The following MYL4 variants were observed in gnomAD, a reference collection of about 807,000 sequenced individuals.
The protein encoded by MYL4 is atrial myosin light chain 1.
A neutral mutation model predicts 21.6 loss-of-function variants in MYL4; 16 were observed. That is an observed-to-expected ratio of 0.74 (90% CI 0.50 to 1.12). The LOEUF is 1.12. Among genes scored for constraint, MYL4 ranks in the 50% most tolerant of loss-of-function variants. The probability of loss-of-function intolerance (pLI) is 0.00; values close to 1 mark genes in which losing one functional copy is unlikely to be tolerated. For synonymous variants in MYL4, 82 were observed against 95.7 expected (o/e 0.86, Z 0.83); for missense variants, 249 against 252.9 (o/e 0.98, Z 0.11).
At chr17:47,211,185 T>C (rs2064772163) in intron 1 of MYL4, among the ~76,000 whole-genome samples, 1 of 152,190 alleles carries the variant, frequency 6.6e-6, no homozygotes, top group South Asian at 2.1e-4. Context: ...GTATCTTTTA[T>C]GAGAGACATT....
At chr17:47,198,660 C>A (rs1484136192), upstream of MYL4, among the ~76,000 whole-genome samples, 1 of 152,052 alleles carries the variant, frequency 6.6e-6, no homozygotes, top group Non-Finnish European at 1.5e-5. Context: ...GTTGGGAGAG[C>A]CTCAGATGAG....
In MYL4 at chr17:47,219,981, G is replaced by A. The variant is rs1453313902; in HGVS notation, c.241G>A (p.Val81Ile). The A allele has an allele frequency of 1.2e-6, 2 of 1,614,124 alleles. No individual in the cohort carries two copies. Among genetic ancestry groups the A allele is most frequent in the African/African-American group, 1.3e-5 (1 of 74,948 alleles). ...MKITYGQCGDVLRALGQNPTN... is the reference protein window; with the variant it reads ...MKITYGQCGDILRALGQNPTN... ...GATCACCTACGGCCAGTGCGGGGAT[G>A]TACTGCGGGCCCTGGGCCAGAACCC... The change falls in exon 3 of 7, where the codon GTA becomes ATA. Residue 81 changes from valine to isoleucine, a missense_variant. Coordinates refer to ENST00000393450, the MANE Select transcript of MYL4 (RefSeq NM_002476.2).
upstream of MYL4, among the ~76,000 whole-genome samples, chr17:47,208,670 T>C (rs1567744396): frequency 6.6e-6 from 1 of 152,180 alleles, no homozygotes; most frequent in Non-Finnish European, 1.5e-5. Context: ...TTCTACCACA[T>C]CTCTCTGCTT....
chr17:47,195,355 A>G, the MYL4 span, among the ~76,000 whole-genome samples: 33 of 151,326 alleles, frequency 2.2e-4, no homozygotes, highest in African/African-American at 7.8e-4. Flanking sequence ...TCAGCCTCCC[A>G]AGTAGCTGGG....
intron 3 of MYL4, 74 bp downstream of exon 3, chr17:47,220,127 T>C: frequency 6.8e-7 from 1 of 1,479,446 alleles, no homozygotes; most frequent in Non-Finnish European, 9.0e-7. Context: ...TGTCCAGATC[T>C]TCTCTGCCAT....
At chr17:47,219,009 G>A (rs2064835161) in intron 2 of MYL4, among the ~76,000 whole-genome samples, 1 of 152,154 alleles carries the variant, frequency 6.6e-6, no homozygotes, top group Admixed American at 6.5e-5. Flanking sequence ...AACATTGCTT[G>A]GCGTGCTTTG....
downstream of MYL4, among the ~76,000 whole-genome samples, chr17:47,226,912 T>G (rs1444373652): frequency 6.6e-6 from 1 of 152,222 alleles, no homozygotes; most frequent in African/African-American, 2.4e-5. Flanking sequence ...TGGAGTGCAG[T>G]GGCACGATCT....
At chr17:47,205,410 G>A (rs1368711736), upstream of MYL4, among the ~76,000 whole-genome samples, 2 of 152,154 alleles carry the variant, frequency 1.3e-5, no homozygotes, top group Admixed American at 6.5e-5. Flanking sequence ...GGATGCTCTC[G>A]ATTGGTAAGA....
chr17:47,202,522 ACTT>A (rs1388978339), intron 1 of MYL4, among the ~76,000 whole-genome samples: 1 of 152,240 alleles, frequency 6.6e-6, no homozygotes, highest in Admixed American at 6.5e-5. Flanking sequence ...TGACAAAACT[ACTT>A]CATATTAGTC....
chr17:47,195,713 A>G (rs1278543992), upstream of MYL4, among the ~76,000 whole-genome samples: 6 of 152,090 alleles, frequency 3.9e-5, no homozygotes. Context: ...TCTATTCTTC[A>G]TCTGGCTAGC....
upstream of MYL4, among the ~76,000 whole-genome samples, chr17:47,199,312 A>G (rs2064701074): frequency 9.0e-6 from 1 of 111,604 alleles, no homozygotes; most frequent in Non-Finnish European, 1.9e-5. Flanking sequence ...CAAAAAAAAA[A>G]AAAACCCCAG....
chr17:47,214,992 G>A (rs1181387328), intron 2 of MYL4, among the ~76,000 whole-genome samples: 2 of 152,082 alleles, frequency 1.3e-5, no homozygotes, highest in Admixed American at 6.6e-5. Context: ...CCGGTGGGAG[G>A]ATATCAGCTT....
At chr17:47,211,565 A>G (rs1487265840) in intron 1 of MYL4, among the ~76,000 whole-genome samples, 2 of 152,152 alleles carry the variant, frequency 1.3e-5, no homozygotes. Flanking sequence ...TTTTCCTCAG[A>G]GAGTGAATGC....
chr17:47,215,909 G>C (rs1366185713), intron 2 of MYL4, among the ~76,000 whole-genome samples: 1 of 152,048 alleles, frequency 6.6e-6, no homozygotes, highest in Non-Finnish European at 1.5e-5. Context: ...TTTCACCTCA[G>C]TCTCCTGAGT....
rs575870069 is a variant in MYL4 at position 47,217,652 on chromosome 17, A to G, written c.164-2252A>G. Among the ~76,000 whole-genome samples, 17 of 152,316 alleles carry G rather than the reference A, an allele frequency of 1.1e-4. No homozygotes were observed. The South Asian group carries it at 3.3e-3, about 30-fold the overall frequency. Reference sequence around the variant, plus strand: ...TTTATGCATTTACTATGTGCTGGTCATTGTGTTAAAAATTTTTACATACAT... The same window carrying G: ...TTTATGCATTTACTATGTGCTGGTCGTTGTGTTAAAAATTTTTACATACAT... On this transcript the variant is annotated intron_variant, in intron 2 of 6. Transcript: ENST00000393450.
chr17:47,207,035 G>A (rs902943099), upstream of MYL4, among the ~76,000 whole-genome samples: 6 of 152,168 alleles, frequency 3.9e-5, no homozygotes, highest in Non-Finnish European at 7.3e-5. Flanking sequence ...GAGTGCGAGC[G>A]AAGGTACAAG....
chr17:47,197,671 A>G (rs947450284), upstream of MYL4, among the ~76,000 whole-genome samples: 2 of 96,732 alleles, frequency 2.1e-5, no homozygotes, highest in Non-Finnish European at 4.9e-5. Flanking sequence ...TACAGTATTC[A>G]ATACATGAGA....
chr17:47,222,827 G>C (rs2064866835), intron 5 of MYL4, among the ~76,000 whole-genome samples, 187 bp from the exon 6 acceptor site: 1 of 152,066 alleles, frequency 6.6e-6, no homozygotes, highest in East Asian at 1.9e-4. Flanking sequence ...TGGGCACAGA[G>C]CAGAGTCTAG....
At chr17:47,204,399 G>C (rs975308196), upstream of MYL4, among the ~76,000 whole-genome samples, 1 of 152,144 alleles carries the variant, frequency 6.6e-6, no homozygotes, top group Non-Finnish European at 1.5e-5. Flanking sequence ...TCTTGGGATA[G>C]GGAGCCATGG....
Sources: allele counts gnomAD v4.1 joint callset (sites outside exome capture counted in the v4.1 genomes callset), GRCh38; gene constraint gnomAD v4.1.1; transcripts MANE v1.5; gene names NCBI Gene and HGNC (gene_info 2026-07-23, HGNC 2026-07-21).